The following PHF14 variants were observed in gnomAD, a reference collection of about 807,000 sequenced individuals.
PHF14 encodes PHD finger protein 14.
In PHF14, 55 loss-of-function variants were observed where a neutral mutation model predicts 117.9. The ratio of observed to expected loss-of-function variants is 0.47; its 90% CI spans 0.38 to 0.58. The LOEUF (loss-of-function observed/expected upper bound fraction) is 0.58. Ranked by LOEUF, PHF14 falls within the 20% of genes least tolerant of loss-of-function variation. The pLI is 0.00. For synonymous variants in PHF14, 409 were observed against 368.6 expected (o/e 1.11, Z -1.26); for missense variants, 978 against 1,122.2 (o/e 0.87, Z 1.84).
At chr7:11,147,978 T>C (rs1356996038) in intron 17 of PHF14, among the ~76,000 whole-genome samples, 1 of 152,200 alleles carries the variant, frequency 6.6e-6, no homozygotes, top group Non-Finnish European at 1.5e-5. Flanking sequence ...TCTCCCACAG[T>C]CTTTCCTACC....
At chr7:11,011,108 T>C (rs1783340684) in intron 4 of PHF14, among the ~76,000 whole-genome samples, 1 of 152,244 alleles carries the variant, frequency 6.6e-6, no homozygotes, top group Non-Finnish European at 1.5e-5. Context: ...AGTTATGATC[T>C]ATATTTGGTA....
intron 16 of PHF14, among the ~76,000 whole-genome samples, chr7:11,072,195 A>AGG (rs1240632438): frequency 2.0e-5 from 3 of 152,152 alleles, no homozygotes; most frequent in African/African-American, 7.2e-5. Context: ...CAGAAAGCAA[A>AGG]GGGGGTAAAG....
chr7:11,015,751 C>T (rs1178961459), intron 5 of PHF14, among the ~76,000 whole-genome samples: 1 of 151,678 alleles, frequency 6.6e-6, no homozygotes. Context: ...ACTGCTGCTA[C>T]TAGTGCTTTC....
intron 2 of PHF14, among the ~76,000 whole-genome samples, chr7:10,979,466 G>C (rs1781980978): frequency 6.6e-6 from 1 of 151,632 alleles, no homozygotes; most frequent in South Asian, 2.1e-4. Context: ...TCAAACGTAA[G>C]AAAGGTTTAT....
At chr7:10,980,760 G>A (rs1782021732) in intron 2 of PHF14, among the ~76,000 whole-genome samples, 2 of 152,110 alleles carry the variant, frequency 1.3e-5, no homozygotes, top group African/African-American at 4.8e-5. Context: ...TTGATTATAG[G>A]ATAATACCAT....
chr7:11,047,388 C>G (rs1784705327), intron 13 of PHF14, among the ~76,000 whole-genome samples: 1 of 151,884 alleles, frequency 6.6e-6, no homozygotes, highest in African/African-American at 2.4e-5. Context: ...ACTTTCTTGT[C>G]TAAGCACTAT....
At position 11,004,710 on chromosome 7, in the gene PHF14, T is replaced by C. The variant is rs568519473; in HGVS notation, c.1046-9037T>C. On this transcript the variant is annotated intron_variant, in intron 4 of 17. Coordinates refer to ENST00000634607, the MANE Select transcript of PHF14 (RefSeq NM_001007157.2). Reference sequence around the variant, plus strand: ...TTTTTTTTTTGTAAGAGTATTGTGCTGGTGTTTAGTTCCCATTATATCACA... The same window carrying C: ...TTTTTTTTTTGTAAGAGTATTGTGCCGGTGTTTAGTTCCCATTATATCACA... Among the ~76,000 whole-genome samples the C allele has an allele frequency of 2.0e-5, 3 of 151,836 alleles. No homozygotes were observed. The South Asian group carries it at 6.3e-4, about 32-fold the overall frequency.
intron 4 of PHF14, among the ~76,000 whole-genome samples, chr7:10,991,165 T>G (rs1562564611): frequency 6.6e-6 from 1 of 151,702 alleles, no homozygotes; most frequent in Non-Finnish European, 1.5e-5. Context: ...TTTTGTGTTC[T>G]TTTTTATTTT....
intron 16 of PHF14, among the ~76,000 whole-genome samples, chr7:11,093,098 A>T (rs994309249): frequency 1.3e-5 from 2 of 152,158 alleles, no homozygotes; most frequent in African/African-American, 4.8e-5. Context: ...TTCCCTTAGG[A>T]CTTTCTCTTT....
chr7:11,001,115 G>A (rs938697796), intron 4 of PHF14, among the ~76,000 whole-genome samples: 13 of 151,998 alleles, frequency 8.6e-5, no homozygotes, highest in East Asian at 1.9e-4. Context: ...TTGCATGTGT[G>A]TGTTCAATTT....
At chr7:11,081,627 T>TGGGCGGATCATGAAGTCAGGA (rs1381756147) in intron 16 of PHF14, among the ~76,000 whole-genome samples, 4 of 152,086 alleles carry the variant, frequency 2.6e-5, no homozygotes, top group African/African-American at 9.7e-5. Context: ...GAGGCCGAGG[T>TGGGCGGATCATGAAGTCAGGA]GGGCGGATCA....
chr7:10,974,556 A>G (rs1186450444), intron 1 of PHF14, among the ~76,000 whole-genome samples: 1 of 152,174 alleles, frequency 6.6e-6, no homozygotes, highest in Non-Finnish European at 1.5e-5. Flanking sequence ...GTGCAGAAAC[A>G]TCTCGAAAAG....
chr7:11,018,077 C>T (rs945056557), intron 5 of PHF14, among the ~76,000 whole-genome samples: 4 of 152,072 alleles, frequency 2.6e-5, no homozygotes, highest in East Asian at 3.9e-4. Flanking sequence ...CACTTAGGTG[C>T]GTGGATTTGT....
At chr7:11,079,227 A>G (rs993929963) in intron 16 of PHF14, among the ~76,000 whole-genome samples, 3 of 152,192 alleles carry the variant, frequency 2.0e-5, no homozygotes, top group Admixed American at 2.0e-4. Context: ...GACCTCATGT[A>G]TTATTAATAA....
At chr7:11,162,050 G>A (rs1789053940) in intron 17 of PHF14, among the ~76,000 whole-genome samples, 1 of 138,548 alleles carries the variant, frequency 7.2e-6, no homozygotes, top group Admixed American at 7.3e-5. Context: ...CTTCAGATCA[G>A]CAGGATATCT....
chr7:11,037,576 A>G (rs1784354178), intron 10 of PHF14, among the ~76,000 whole-genome samples: 2 of 152,282 alleles, frequency 1.3e-5, no homozygotes, highest in Middle Eastern at 3.4e-3. Context: ...TTTATCTTGA[A>G]TTATATTATA....
At chr7:11,101,646 C>T (rs1315821462) in intron 16 of PHF14, among the ~76,000 whole-genome samples, 1 of 151,586 alleles carries the variant, frequency 6.6e-6, no homozygotes, top group Non-Finnish European at 1.5e-5. Flanking sequence ...GGCATGATAG[C>T]TCTCCTCAGT....
chr7:11,075,125 G>A (rs911006750), intron 16 of PHF14, among the ~76,000 whole-genome samples: 1 of 151,838 alleles, frequency 6.6e-6, no homozygotes, highest in Non-Finnish European at 1.5e-5. Context: ...TTTTAGAAGA[G>A]ACAGAGTTTC....
At chr7:11,021,942 A>C (rs1783750916) in intron 5 of PHF14, among the ~76,000 whole-genome samples, 1 of 152,150 alleles carries the variant, frequency 6.6e-6, no homozygotes, top group Non-Finnish European at 1.5e-5. Context: ...GATAAAGCAG[A>C]ATTTGTTGTT....
Sources: allele counts gnomAD v4.1 joint callset (sites outside exome capture counted in the v4.1 genomes callset), GRCh38; gene constraint gnomAD v4.1.1; transcripts MANE v1.5; gene names NCBI Gene and HGNC (gene_info 2026-07-23, HGNC 2026-07-21).